XKR8: variants seen among roughly 807,000 people sequenced by gnomAD.
XKR8 encodes XK-related protein 8.
A neutral mutation model predicts 17.1 loss-of-function variants in XKR8; 10 were observed. The ratio of observed to expected loss-of-function variants is 0.59; its 90% CI spans 0.36 to 0.99. XKR8 has a LOEUF of 0.99. XKR8 is among the 50% of genes least tolerant of loss of function. The probability of loss-of-function intolerance (pLI) is 0.01; values close to 1 mark genes in which losing one functional copy is unlikely to be tolerated. For missense variants in XKR8, 411 were observed against 515.6 expected (o/e 0.80, Z 1.96); for synonymous variants, 213 against 251.9 (o/e 0.85, Z 1.46).
At position 27,960,824 on chromosome 1, in the gene XKR8, C is replaced by CG. The variant is rs1171390363; in HGVS notation, c.293+464dup. On this transcript the variant is annotated intron_variant, in intron 1 of 2. Transcript: ENST00000373884. This position sits in a 1 kb window ranked among gnomAD's most constrained non-coding sequence, Gnocchi z 5.9. ...GCCTGGCCTGTAATGGCAGGGGCTG[C>CG]GGACTCAGTTCAGCATCCCATGTTT... 1.3e-5 allele frequency among the ~76,000 whole-genome samples: 2 copies of CG among 152,184 alleles called. No individual in the cohort carries two copies. Among genetic ancestry groups the CG allele is most frequent in the African/African-American group, 4.8e-5 (2 of 41,444 alleles).
Position 27,960,096 on chromosome 1 carries a change from C to T in XKR8, c.27C>T (p.Leu9=). The T allele has an allele frequency of 3.4e-6, 5 of 1,484,546 alleles. No individual in the cohort carries two copies. The highest frequency in any genetic ancestry group is 2.5e-5 in the South Asian group (2 of 78,974). The allele number at this position is 1,484,546 out of a possible 1,614,324, so 92.0% of individuals were successfully genotyped here. A position where few individuals can be genotyped will look rare whatever the true frequency, so the allele number is the denominator to read the frequency against. MPWSSRGA[L]LRDLVLGVLG... is the part of the protein sequence containing the mutation. ...TGCCCTGGTCGTCCCGCGGCGCCCT[C>T]CTTCGGGACCTGGTCCTGGGCGTGC... The change falls in exon 1 of 3, where the codon CTC becomes CTT. Residue 9 remains leucine (L), a synonymous_variant. Transcript: ENST00000373884. The surrounding 1 kb of genome is among the most constrained non-coding windows in gnomAD (Gnocchi z 5.9).
rs772134957 is a variant in XKR8, at chr1:27,968,071, G to A, written c.*871G>A. On this transcript the variant is annotated 3_prime_UTR_variant, in exon 3 of 3. Transcript: ENST00000373884. ...GTTTTCAACAGTATTATTAGGTTAT[G>A]AATAAAGCCTCATGAAATCCTCCAA... is the stretch of plus-strand genomic sequence containing the variant. 1.8e-4 allele frequency: 28 copies of A among 152,658 alleles called. No homozygotes were observed. Among genetic ancestry groups the A allele is most frequent in the Admixed American group, 1.2e-3 (18 of 15,276 alleles). The allele number at this position is 152,658 out of a possible 1,614,324, so 9.5% of individuals were successfully genotyped here. A position where few individuals can be genotyped will look rare whatever the true frequency, so the allele number is the denominator to read the frequency against.
Position 27,960,234 on chromosome 1 carries a change from G to A in XKR8, c.165G>A (p.Leu55=). 2 of 1,526,772 alleles carry A rather than the reference G, an allele frequency of 1.3e-6. No individual in the cohort carries two copies. The highest frequency in any genetic ancestry group is 5.0e-5 in the East Asian group (2 of 40,178). 94.6% of individuals were successfully genotyped at this position (1,526,772 alleles called of 1,614,324 possible). ...WAALVLALLG[L]ASVALQLFSW... ...CGCTGGTGCTGGCGCTGCTGGGCCT[G>A]GCCTCCGTGGCGCTGCAGCTCTTCA... The change falls in exon 1 of 3, where the codon CTG becomes CTA. Residue 55 remains leucine, a synonymous_variant. Coordinates refer to ENST00000373884, the MANE Select transcript of XKR8 (RefSeq NM_018053.4). This position sits in a 1 kb window ranked among gnomAD's most constrained non-coding sequence, Gnocchi z 5.9.
At chr1:27,962,026 C>A (rs1638478671) in intron 1 of XKR8, among the ~76,000 whole-genome samples, 1 of 152,324 alleles carries the variant, frequency 6.6e-6, no homozygotes, top group East Asian at 1.9e-4. Context: ...TCCTTCCAAT[C>A]TAACCCTCCT....
rs187574926 is a variant in XKR8 at position 27,963,612 on chromosome 1, G to A, written c.409G>A (p.Glu137Lys). 25 of 1,613,872 alleles carry A rather than the reference G, an allele frequency of 1.5e-5. No homozygotes were observed. In the Middle Eastern group the frequency reaches 8.3e-4, roughly 53 times the overall value. The change falls in exon 2 of 3, where the codon GAG becomes AAG. Residue 137 changes from glutamate to lysine, a missense_variant. Glu to Lys is a moderately conservative substitution (Grantham distance 56). Coordinates refer to ENST00000373884, the MANE Select transcript of XKR8 (RefSeq NM_018053.4). ...ALDISMLRLFETFLETAPQLT... is the reference protein window; with the variant it reads ...ALDISMLRLFKTFLETAPQLT... ...GGACATCAGCATGCTGCGGCTCTTC[G>A]AGACCTTCTTGGAGACGGCACCACA... is the stretch of plus-strand genomic sequence containing the variant.
chr1:27,964,622 T>G (rs1638533786), intron 2 of XKR8, among the ~76,000 whole-genome samples: 1 of 152,156 alleles, frequency 6.6e-6, no homozygotes, highest in Admixed American at 6.5e-5. Context: ...CCTGCCAGGA[T>G]GATAGACTAA....
intron 1 of XKR8, among the ~76,000 whole-genome samples, chr1:27,961,976 A>G (rs1446291938): frequency 6.6e-6 from 1 of 151,872 alleles, no homozygotes; most frequent in Non-Finnish European, 1.5e-5. Flanking sequence ...CCCAATCTCC[A>G]TCCTTAACCA....
At position 27,965,644 on chromosome 1, in the gene XKR8, C is replaced by T. The variant is rs1314620024; in HGVS notation, c.491-859C>T. Among the ~76,000 whole-genome samples the T allele has an allele frequency of 1.3e-5, 2 of 152,154 alleles. No homozygotes were observed. Among genetic ancestry groups the T allele is most frequent in the Non-Finnish European group, 2.9e-5 (2 of 68,028 alleles). ...AGCTTGTCAAGGTCACGGAAGGTGG[C>T]ATGCTGGGCAAACTGGAAGAACATC... On this transcript the variant is annotated intron_variant, in intron 2 of 2. Coordinates refer to ENST00000373884, the MANE Select transcript of XKR8 (RefSeq NM_018053.4). This position sits in a 1 kb window ranked among gnomAD's most constrained non-coding sequence, Gnocchi z 4.1.
rs1638442720 is a variant in XKR8 at position 27,960,360 on chromosome 1, C to T, written c.291C>T (p.Tyr97=). Residue 97 remains tyrosine, a splice_region_variant and synonymous_variant, in exon 1 of 3, where the codon TAC becomes TAT. Transcript: ENST00000373884. The surrounding 1 kb of genome is among the most constrained non-coding windows in gnomAD (Gnocchi z 5.9). ...ATCTCCTGCAGCTGGGTTACCTGTACAGGTGAGTGCTTCGCCCCGGGAGGG... is the reference window on the plus strand; with the variant it reads ...ATCTCCTGCAGCTGGGTTACCTGTATAGGTGAGTGCTTCGCCCCGGGAGGG... ...LLHLLQLGYL[Y]RCVQELRQGL... 1 of 1,378,184 alleles carries T rather than the reference C, an allele frequency of 7.3e-7. No individual in the cohort carries two copies. 85.4% of individuals were successfully genotyped at this position (1,378,184 alleles called of 1,614,324 possible).
chr1:27,961,610 G>C (rs1035506797), intron 1 of XKR8, among the ~76,000 whole-genome samples: 129 of 152,366 alleles, frequency 8.5e-4, no homozygotes, highest in African/African-American at 2.9e-3. Flanking sequence ...CTGAGCTTGA[G>C]TCAGACAGAC....
chr1:27,960,234 G>C lies in XKR8; in HGVS notation c.165G>C (p.Leu55=), dbSNP rs1219185369. Residue 55 remains leucine (L), a synonymous_variant, in exon 1 of 3, where the codon CTG becomes CTC. Coordinates refer to ENST00000373884, the MANE Select transcript of XKR8 (RefSeq NM_018053.4). The surrounding 1 kb of genome is among the most constrained non-coding windows in gnomAD (Gnocchi z 5.9). ...CGCTGGTGCTGGCGCTGCTGGGCCT[G>C]GCCTCCGTGGCGCTGCAGCTCTTCA... ...WAALVLALLG[L]ASVALQLFSW... is the part of the protein sequence containing the mutation. 6.5e-7 allele frequency: 1 copy of C among 1,526,772 alleles called. No individual in the cohort carries two copies. The highest frequency in any genetic ancestry group is 2.0e-5 in the Admixed American group (1 of 50,488). 94.6% of individuals were successfully genotyped at this position (1,526,772 alleles called of 1,614,324 possible).
At position 27,960,083 on chromosome 1, in the gene XKR8, C is replaced by G; in HGVS notation, c.14C>G (p.Ser5Cys). 6.8e-7 allele frequency: 1 copy of G among 1,466,940 alleles called. No individual in the cohort carries two copies. Among genetic ancestry groups the G allele is most frequent in the Non-Finnish European group, 9.0e-7 (1 of 1,114,950 alleles). 90.9% of individuals were successfully genotyped at this position (1,466,940 alleles called of 1,614,324 possible). A position where few individuals can be genotyped will look rare whatever the true frequency, so the allele number is the denominator to read the frequency against. The change falls in exon 1 of 3, where the codon TCC (serine) becomes TGC (cysteine). Residue 5 changes from serine (S) to cysteine (C), a missense_variant. Coordinates refer to ENST00000373884, the MANE Select transcript of XKR8 (RefSeq NM_018053.4). The surrounding 1 kb of genome is among the most constrained non-coding windows in gnomAD (Gnocchi z 5.9). ...GGCCGGCGGGCCATGCCCTGGTCGT[C>G]CCGCGGCGCCCTCCTTCGGGACCTG... MPWS[S>C]RGALLRDLVL... is the part of the protein sequence containing the mutation.
rs1167475154 is a variant in XKR8, at chr1:27,966,569, G to A, written c.557G>A (p.Arg186His). The A allele has an allele frequency of 1.7e-5, 27 of 1,613,908 alleles. No individual in the cohort carries two copies. The highest frequency in any genetic ancestry group is 2.2e-5 in the East Asian group (1 of 44,880). Residue 186 changes from arginine (R) to histidine (H), a missense_variant, in exon 3 of 3, where the codon CGC becomes CAC. Transcript: ENST00000373884. This position sits in a 1 kb window ranked among gnomAD's most constrained non-coding sequence, Gnocchi z 4.3. ...CTGCTCGACTACCACCGGGCCTTGCGCACCTGCCTCCCCTCCAAGCCGCTC... is the reference window on the plus strand; with the variant it reads ...CTGCTCGACTACCACCGGGCCTTGCACACCTGCCTCCCCTCCAAGCCGCTC... ...WALLDYHRAL[R>H]TCLPSKPLLG... is the part of the protein sequence containing the mutation.
At position 27,965,443 on chromosome 1, in the gene XKR8, G is replaced by A. The variant is rs148111722; in HGVS notation, c.491-1060G>A. 2.6e-5 allele frequency among the ~76,000 whole-genome samples: 4 copies of A among 152,298 alleles called. No homozygotes were observed. In the East Asian group the frequency reaches 7.7e-4, roughly 29 times the overall value. On this transcript the variant is annotated intron_variant, in intron 2 of 2. Transcript: ENST00000373884. This position sits in a 1 kb window ranked among gnomAD's most constrained non-coding sequence, Gnocchi z 4.1. ...AGGAAATAGATAATTACTGTGTGATGAGACTCCAGACAGAGGTGGGTGGCA... is the reference window on the plus strand; with the variant it reads ...AGGAAATAGATAATTACTGTGTGATAAGACTCCAGACAGAGGTGGGTGGCA...
Position 27,960,020 on chromosome 1 carries a change from G to A in XKR8, c.-50G>A, listed in dbSNP as rs1205023882. 2 of 1,363,540 alleles carry A rather than the reference G, an allele frequency of 1.5e-6. No homozygotes were observed. The highest frequency in any genetic ancestry group is 3.0e-5 in the East Asian group (1 of 33,094). 84.5% of individuals were successfully genotyped at this position (1,363,540 alleles called of 1,614,324 possible). On this transcript the variant is annotated 5_prime_UTR_variant, in exon 1 of 3. Coordinates refer to ENST00000373884, the MANE Select transcript of XKR8 (RefSeq NM_018053.4). This position sits in a 1 kb window ranked among gnomAD's most constrained non-coding sequence, Gnocchi z 5.9. ...CTGCCTCGGCAACCCCGGGCCCTGA[G>A]GGCAGGCCCCAACCGCGGAGGAGCA...
At chr1:27,961,086 G>A (rs1446148123) in intron 1 of XKR8, among the ~76,000 whole-genome samples, 1 of 152,192 alleles carries the variant, frequency 6.6e-6, no homozygotes, top group Non-Finnish European at 1.5e-5. Context: ...CACAAAGGCC[G>A]CCTCTCACCC....
chr1:27,965,427 A>G lies in XKR8; in HGVS notation c.491-1076A>G, dbSNP rs942245913. On this transcript the variant is annotated intron_variant, in intron 2 of 2. Coordinates refer to ENST00000373884, the MANE Select transcript of XKR8 (RefSeq NM_018053.4). The surrounding 1 kb of genome is among the most constrained non-coding windows in gnomAD (Gnocchi z 4.1). The stretch of plus-strand genomic sequence containing the variant: ...GAGGAGCCCAGAGATAAGGAAATAG[A>G]TAATTACTGTGTGATGAGACTCCAG... Among the ~76,000 whole-genome samples, 1 of 152,142 alleles carries G rather than the reference A, an allele frequency of 6.6e-6. No homozygotes were observed. The highest frequency in any genetic ancestry group is 1.5e-5 in the Non-Finnish European group (1 of 68,018).
At position 27,966,859 on chromosome 1, in the gene XKR8, G is replaced by T; in HGVS notation, c.847G>T (p.Gly283Cys). Residue 283 changes from glycine (G) to cysteine (C), a missense_variant, in exon 3 of 3, where the codon GGC becomes TGC. Transcript: ENST00000373884. The surrounding 1 kb of genome is among the most constrained non-coding windows in gnomAD (Gnocchi z 4.3). ...WFNVAEGRTRGRAIIHFAFLL... is the reference protein window; with the variant it reads ...WFNVAEGRTRCRAIIHFAFLL... Reference sequence around the variant, plus strand: ...CAACGTGGCTGAGGGCCGCACCCGAGGCCGGGCCATCATCCACTTCGCCTT... The same window carrying T: ...CAACGTGGCTGAGGGCCGCACCCGATGCCGGGCCATCATCCACTTCGCCTT... The T allele has an allele frequency of 6.2e-7, 1 of 1,614,172 alleles. No individual in the cohort carries two copies.
chr1:27,967,254 G>A lies in XKR8; in HGVS notation c.*54G>A. 1 of 1,503,358 alleles carries A rather than the reference G, an allele frequency of 6.7e-7. No homozygotes were observed. Among genetic ancestry groups the A allele is most frequent in the Non-Finnish European group, 8.9e-7 (1 of 1,124,256 alleles). The allele number at this position is 1,503,358 out of a possible 1,614,324, so 93.1% of individuals were successfully genotyped here. ...GACCCAGCCAGCAGAGATGGAGAGT[G>A]ACTCTGTTGGCAGAAGGCAGGCGAG... On this transcript the variant is annotated 3_prime_UTR_variant, in exon 3 of 3. Transcript: ENST00000373884. The surrounding 1 kb of genome is among the most constrained non-coding windows in gnomAD (Gnocchi z 4.3).
Sources: allele counts gnomAD v4.1 joint callset (sites outside exome capture counted in the v4.1 genomes callset), GRCh38; gene constraint gnomAD v4.1.1; non-coding constraint Gnocchi (gnomAD v3.1); transcripts MANE v1.5; gene names NCBI Gene and HGNC (gene_info 2026-07-23, HGNC 2026-07-21).